NUP214: variants seen among roughly 807,000 people sequenced by gnomAD.
NUP214 encodes the protein nucleoporin 214, also known as nuclear pore complex protein Nup214.
A neutral mutation model predicts 196.2 loss-of-function variants in NUP214; 79 were observed. The observed-to-expected ratio is 0.40, with a 90% CI of 0.34 to 0.49. The LOEUF (loss-of-function observed/expected upper bound fraction) is 0.49, where lower values mean the gene tolerates loss of function less well. NUP214 is among the 20% of genes least tolerant of loss of function. The pLI is 0.58. For missense variants in NUP214, 2,468 were observed against 2,539.0 expected (o/e 0.97, Z 0.60); for synonymous variants, 1,020 against 990.5 (o/e 1.03, Z -0.56).
chr9:131,137,675 T>TA (rs1831777109), intron 9 of NUP214, among the ~76,000 whole-genome samples: 1 of 150,596 alleles, frequency 6.6e-6, no homozygotes, highest in South Asian at 2.1e-4. Flanking sequence ...CTCAGCCTCC[T>TA]AGTAGCTGGG....
intron 27 of NUP214, among the ~76,000 whole-genome samples, chr9:131,194,950 G>A (rs1263546499): frequency 1.3e-5 from 2 of 152,154 alleles, no homozygotes; most frequent in African/African-American, 4.8e-5. Flanking sequence ...CATCTTGCAA[G>A]AAGTCCCCAC....
chr9:131,210,412 G>A lies in NUP214; in HGVS notation c.5593-4800G>A, dbSNP rs755026595. On this transcript the variant is annotated intron_variant, in intron 30 of 35. Coordinates refer to ENST00000359428, the MANE Select transcript of NUP214 (RefSeq NM_005085.4). ...TGGGAGGCCAAGGCGGGCGGATCAC[G>A]AGGTCAGGAGTTCAAGACCAGCCTG... 3.9e-5 allele frequency among the ~76,000 whole-genome samples: 6 copies of A among 152,108 alleles called. No individual in the cohort carries two copies. In the South Asian group the frequency reaches 6.2e-4, roughly 16 times the overall value.
intron 30 of NUP214, among the ~76,000 whole-genome samples, chr9:131,204,369 G>A (rs1204260806): frequency 6.6e-6 from 1 of 152,226 alleles, no homozygotes; most frequent in African/African-American, 2.4e-5. Context: ...TGTATTTGGA[G>A]CAGATTAGAC....
chr9:131,216,290 T>A (rs927239382), intron 31 of NUP214, among the ~76,000 whole-genome samples: 1 of 151,220 alleles, frequency 6.6e-6, no homozygotes, highest in Non-Finnish European at 1.5e-5. Context: ...AGTGGCGTGA[T>A]CTTGGCTCAC....
intron 21 of NUP214, among the ~76,000 whole-genome samples, chr9:131,169,303 G>C (rs1319220308): frequency 6.6e-6 from 1 of 151,896 alleles, no homozygotes; most frequent in African/African-American, 2.4e-5. Context: ...CAAAGTGCTC[G>C]GATTACAGGT....
rs560162988 is a variant in NUP214, at chr9:131,187,577, C to T, written c.3495+213C>T. ...AATTTTTGTAGTTTTAGTAGAGACG[C>T]GGTTTCACCGCGTTGGCCAGGCTAG... On this transcript the variant is annotated intron_variant, in intron 25 of 35. Transcript: ENST00000359428. Among the ~76,000 whole-genome samples the T allele has an allele frequency of 2.0e-3, 300 of 152,120 alleles. 2 individuals carry two copies. Among genetic ancestry groups the T allele is most frequent in the Middle Eastern group, 6.8e-3 (2 of 294 alleles).
At chr9:131,131,816 G>A (rs545737347) in intron 5 of NUP214, among the ~76,000 whole-genome samples, 2 of 151,884 alleles carry the variant, frequency 1.3e-5, no homozygotes, top group Non-Finnish European at 2.9e-5. Flanking sequence ...AGCCTCCCGG[G>A]TAGCTGAGAC....
At chr9:131,199,928 G>A (rs2131050203) in intron 29 of NUP214, among the ~76,000 whole-genome samples, 1 of 152,148 alleles carries the variant, frequency 6.6e-6, no homozygotes, top group African/African-American at 2.4e-5. Context: ...ACACGGTGTT[G>A]AAAAGACAGA....
chr9:131,211,751 C>G (rs948706714), intron 30 of NUP214, among the ~76,000 whole-genome samples: 1 of 152,114 alleles, frequency 6.6e-6, no homozygotes, highest in African/African-American at 2.4e-5. Context: ...CTATGCCTGT[C>G]TTTACTTTAA....
rs1055254954 is a variant in NUP214 at position 131,234,577 on chromosome 9, T to C, written c.*1090T>C. On this transcript the variant is annotated 3_prime_UTR_variant, in exon 36 of 36. Transcript: ENST00000359428. ...GGCTTGGGTCATGAGCAGCGGGGAG[T>C]TGGGAAGAGATTTTTTTTTTTAGAG... 1.3e-5 allele frequency: 3 copies of C among 230,764 alleles called. No individual in the cohort carries two copies. The highest frequency in any genetic ancestry group is 6.7e-5 in the African/African-American group (3 of 44,592). 14.3% of individuals were successfully genotyped at this position (230,764 alleles called of 1,614,324 possible).
At chr9:131,206,357 G>A (rs1469029480) in intron 30 of NUP214, among the ~76,000 whole-genome samples, 1 of 151,492 alleles carries the variant, frequency 6.6e-6, no homozygotes, top group Non-Finnish European at 1.5e-5. Flanking sequence ...TGTTGCCCAG[G>A]CTGGTCTTGA....
intron 5 of NUP214, among the ~76,000 whole-genome samples, chr9:131,132,115 C>CTTTTTTTTTTTTTTTT (rs142450352): frequency 5.5e-5 from 6 of 108,170 alleles, no homozygotes; most frequent in Non-Finnish European, 9.1e-5. Flanking sequence ...CTTTTCTTTT[C>CTTTTTTTTTTTTTTTT]TTTCTTTTTT....
chr9:131,174,199 C>T lies in NUP214; in HGVS notation c.3038C>T (p.Pro1013Leu), dbSNP rs754497941. The change falls in exon 22 of 36, where the codon CCT (proline) becomes CTT (leucine). Residue 1013 changes from proline (P) to leucine (L), a missense_variant. By Grantham distance (98) the Pro-to-Leu change is moderately conservative. Transcript: ENST00000359428. ...GATGACGAGGCAGTGGTTCAGGCCC[C>T]TCGGCACGCCCCCGTGGTTCGCACT... ...CKDDEAVVQA[P>L]RHAPVVRTPS... The T allele has an allele frequency of 1.9e-5, 31 of 1,613,856 alleles. No individual in the cohort carries two copies. The South Asian group carries it at 3.0e-4, about 15-fold the overall frequency.
In NUP214 at chr9:131,178,286, G is replaced by A. The variant is rs757509301; in HGVS notation, c.3320-25G>A. ...TATCCTTTGCTGGAATTAATATGGT[G>A]TTCTCTCTTCTCTGTTTAAATTAGC... is the stretch of plus-strand genomic sequence containing the variant. On this transcript the variant is annotated intron_variant, in intron 23 of 35. Coordinates refer to ENST00000359428, the MANE Select transcript of NUP214 (RefSeq NM_005085.4). The A allele has an allele frequency of 2.6e-6, 4 of 1,557,348 alleles. No homozygotes were observed. In the South Asian group the frequency reaches 4.5e-5, roughly 17 times the overall value.
chr9:131,206,626 A>G (rs571164425), intron 30 of NUP214, among the ~76,000 whole-genome samples: 1 of 152,168 alleles, frequency 6.6e-6, no homozygotes, highest in East Asian at 1.9e-4. Context: ...AGTTTTTTGT[A>G]GAGATGGGGT....
chr9:131,132,899 C>T, intron 6 of NUP214: 1 of 618,658 alleles, frequency 1.6e-6, no homozygotes, highest in Non-Finnish European at 2.8e-6. Context: ...TCATAATTTG[C>T]CCTGATTATA....
At chr9:131,178,682 A>G (rs1299623912) in intron 24 of NUP214, among the ~76,000 whole-genome samples, 1 of 148,194 alleles carries the variant, frequency 6.7e-6, no homozygotes, top group East Asian at 2.0e-4. Context: ...TCTGTGTGGT[A>G]CACATTAGGT....
chr9:131,150,316 C>G lies in NUP214; in HGVS notation c.2041-8C>G, dbSNP rs2133513174. On this transcript the variant is annotated splice_polypyrimidine_tract_variant and splice_region_variant and intron_variant, in intron 14 of 35. Coordinates refer to ENST00000359428, the MANE Select transcript of NUP214 (RefSeq NM_005085.4). ...TTGCAGTTTTTAAACCTTTTCCTTC[C>G]ATTTCAGGCAAAGTCACTTCAGCCT... The G allele has an allele frequency of 6.2e-7, 1 of 1,613,724 alleles. No homozygotes were observed. The highest frequency in any genetic ancestry group is 8.5e-7 in the Non-Finnish European group (1 of 1,179,634).
At chr9:131,187,801 C>T (rs7033993) in intron 25 of NUP214, among the ~76,000 whole-genome samples, 7,197 of 152,270 alleles carry the variant, frequency 0.047, 263 homozygotes, top group African/African-American at 0.1. Flanking sequence ...CCCATAATCC[C>T]TTCCCCACAA....
Sources: gnomAD v4.1 joint callset for allele counts (sites outside exome capture counted in the v4.1 genomes callset) on GRCh38, gnomAD v4.1.1 for gene constraint, MANE v1.5 for transcripts, NCBI Gene and HGNC (gene_info 2026-07-23, HGNC 2026-07-21) for gene names.